Variants in UBXN4 observed in about 807,000 individuals in gnomAD.
The protein encoded by UBXN4 is UBX domain-containing protein 4.
In UBXN4, 35 loss-of-function variants were observed where a neutral mutation model predicts 66.2. That is an observed-to-expected ratio of 0.53 (90% confidence interval 0.40 to 0.70). The LOEUF is 0.70. UBXN4 is among the 30% of genes least tolerant of loss of function. The pLI is 0.00. For missense variants in UBXN4, 533 were observed against 599.8 expected, an observed-to-expected ratio of 0.89 and a Z score of 1.16; for synonymous variants, 203 against 204.5, an observed-to-expected ratio of 0.99 and a Z score of 0.06.
At chr2:135,754,675 C>G (rs2105495551) in intron 4 of UBXN4, among the ~76,000 whole-genome samples, 1 of 152,198 alleles carries the variant, frequency 6.6e-6, no homozygotes, top group Non-Finnish European at 1.5e-5. Flanking sequence ...ACTGCCATGC[C>G]AAAAATCTTA....
intron 4 of UBXN4, among the ~76,000 whole-genome samples, chr2:135,754,534 G>C (rs566076441): frequency 4.6e-5 from 7 of 152,230 alleles, no homozygotes; most frequent in Non-Finnish European, 1.0e-4. Flanking sequence ...TGTTGGCCAG[G>C]CTGGTCTCAA....
chr2:135,744,091 C>T (rs11893156), intron 1 of UBXN4, among the ~76,000 whole-genome samples: 2,509 of 152,300 alleles, frequency 0.016, 63 homozygotes, highest in African/African-American at 0.057. Context: ...TATGTAGATA[C>T]TGGACTCATG....
In UBXN4 at chr2:135,770,579, T is replaced by A; in HGVS notation, c.666T>A (p.Ile222=). 1 of 1,490,848 alleles carries A rather than the reference T, an allele frequency of 6.7e-7. No individual in the cohort carries two copies. The highest frequency in any genetic ancestry group is 8.9e-7 in the Non-Finnish European group (1 of 1,119,452). 92.4% of individuals were successfully genotyped at this position (1,490,848 alleles called of 1,614,324 possible). ...CTTTTTCTTTAATTCAGAGAGAAAT[T>A]AAGAAGGAAATTGAGAGGAGAAAAA... ...EKRKEEEQRE[I]KKEIERRKTG... is the part of the protein sequence containing the mutation. Residue 222 remains isoleucine, a synonymous_variant, in exon 8 of 13, where the codon ATT becomes ATA. Coordinates refer to ENST00000272638, the MANE Select transcript of UBXN4 (RefSeq NM_014607.4).
chr2:135,749,957 T>G (rs2077232083), intron 2 of UBXN4, among the ~76,000 whole-genome samples: 2 of 152,210 alleles, frequency 1.3e-5, no homozygotes, highest in Non-Finnish European at 1.5e-5. Context: ...TGTGTTAGTG[T>G]CAAGTTGGTT....
chr2:135,772,508 A>G lies in UBXN4; in HGVS notation c.911A>G (p.Glu304Gly). ...GCTGCCTTGCTAGCAAAACAGGCAG[A>G]AATGGAAGTCAAGAGGGAATCTTAT... ...KAAALLAKQA[E>G]MEVKRESYAR... The change falls in exon 9 of 13, where the codon GAA becomes GGA. Residue 304 changes from glutamate (E) to glycine (G), a missense_variant. Glu to Gly is a moderately conservative substitution (Grantham distance 98, BLOSUM62 -2). Around this residue, in one of 2 missense-constraint regions of UBXN4, gnomAD observed 529 missense variants for 580.1 expected, o/e 0.91. Transcript: ENST00000272638. The G allele has an allele frequency of 6.2e-7, 1 of 1,614,066 alleles. No homozygotes were observed. Among genetic ancestry groups the G allele is most frequent in the Non-Finnish European group, 8.5e-7 (1 of 1,179,926 alleles).
chr2:135,755,806 CTTAAAA>C (rs1280883306), intron 5 of UBXN4, 115 bp downstream of exon 5: 6 of 712,894 alleles, frequency 8.4e-6, no homozygotes, highest in Non-Finnish European at 1.1e-5. Context: ...ATTTATTTAA[CTTAAAA>C]TTTAAGAGTC....
chr2:135,742,085 C>T (rs1390003236), intron 1 of UBXN4, 74 bp downstream of exon 1: 5 of 1,508,004 alleles, frequency 3.3e-6, no homozygotes, highest in Admixed American at 4.0e-5. Flanking sequence ...TATACCTCAG[C>T]CGCCGGCCCG....
At chr2:135,777,830 C>T (rs575265098) in intron 10 of UBXN4, among the ~76,000 whole-genome samples, 4 of 150,634 alleles carry the variant, frequency 2.7e-5, no homozygotes, top group Non-Finnish European at 4.4e-5. Flanking sequence ...TTGCAGTGAG[C>T]TGAGATTGCG....
chr2:135,746,319 A>T (rs979759138), intron 1 of UBXN4, among the ~76,000 whole-genome samples: 6 of 152,156 alleles, frequency 3.9e-5, no homozygotes, highest in Non-Finnish European at 7.3e-5. Context: ...CAGAGTACTT[A>T]TTGGGTGCCT....
In UBXN4 at chr2:135,784,704, CCTA is replaced by C. The variant is rs1340375004; in HGVS notation, c.*1821_*1823del. 2 of 152,474 alleles carry C rather than the reference CCTA, an allele frequency of 1.3e-5. No homozygotes were observed. The highest frequency in any genetic ancestry group is 2.9e-5 in the Non-Finnish European group (2 of 68,008). The allele number at this position is 152,474 out of a possible 1,614,324, so 9.4% of individuals were successfully genotyped here. A position where few individuals can be genotyped will look rare whatever the true frequency, so the allele number is the denominator to read the frequency against. ...AAAAAAGCTGTCAAATAGGTGTGAC[CCTA>C]CTAATAATTATTAGAAATACATTTA... is the stretch of plus-strand genomic sequence containing the variant. On this transcript the variant is annotated 3_prime_UTR_variant, in exon 13 of 13. Coordinates refer to ENST00000272638, the MANE Select transcript of UBXN4 (RefSeq NM_014607.4).
chr2:135,758,712 T>C (rs895577959), intron 5 of UBXN4, among the ~76,000 whole-genome samples: 1 of 152,130 alleles, frequency 6.6e-6, no homozygotes, highest in Non-Finnish European at 1.5e-5. Flanking sequence ...CTCTAAAATA[T>C]AAGAAAGGAA....
At chr2:135,772,149 A>C (rs1575322239) in intron 8 of UBXN4, among the ~76,000 whole-genome samples, 1 of 151,446 alleles carries the variant, frequency 6.6e-6, no homozygotes, top group South Asian at 2.1e-4. Flanking sequence ...GTGAGACCCC[A>C]CCTCTACAAG....
intron 9 of UBXN4, among the ~76,000 whole-genome samples, chr2:135,775,205 A>G (rs2077406338): frequency 6.6e-6 from 1 of 152,248 alleles, no homozygotes; most frequent in Non-Finnish European, 1.5e-5. Context: ...TGGGATTGTA[A>G]AATGATGTAG....
At chr2:135,767,177 A>G (rs112306351) in intron 6 of UBXN4, among the ~76,000 whole-genome samples, 10,010 of 152,222 alleles carry the variant, frequency 0.066, 607 homozygotes, top group African/African-American at 0.15. Flanking sequence ...CCTTGCCAAC[A>G]CAGTGCAACC....
At chr2:135,750,234 A>G (rs4245839) in intron 2 of UBXN4, among the ~76,000 whole-genome samples, 147,972 of 152,284 alleles carry the variant, frequency 0.97, 72,011 homozygotes, top group Non-Finnish European at 1. Context: ...TCAGCCTCCC[A>G]AATAGCTGTA....
Position 135,742,030 on chromosome 2 carries a change from C to A in UBXN4, c.82+19C>A. On this transcript the variant is annotated intron_variant, in intron 1 of 12. Transcript: ENST00000272638. Reference sequence around the variant, plus strand: ...GTGGCAGGTGAAGGAGGCAGGGGTTCGAGAGGCGGCCGGGACACCCCTCCG... The same window carrying A: ...GTGGCAGGTGAAGGAGGCAGGGGTTAGAGAGGCGGCCGGGACACCCCTCCG... The A allele has an allele frequency of 2.5e-6, 4 of 1,610,978 alleles. No individual in the cohort carries two copies. The highest frequency in any genetic ancestry group is 3.4e-6 in the Non-Finnish European group (4 of 1,178,740).
chr2:135,751,037 T>TC (rs1337675022), intron 2 of UBXN4, among the ~76,000 whole-genome samples: 3 of 146,222 alleles, frequency 2.1e-5, no homozygotes, highest in Non-Finnish European at 4.5e-5. Flanking sequence ...TTTTTTTTTT[T>TC]TGTATTTTTA....
chr2:135,755,548 C>T lies in UBXN4; in HGVS notation c.365C>T (p.Ala122Val), dbSNP rs760848707. 1.3e-6 allele frequency: 2 copies of T among 1,596,492 alleles called. No homozygotes were observed. Among genetic ancestry groups the T allele is most frequent in the South Asian group, 2.3e-5 (2 of 87,832 alleles). Residue 122 changes from alanine (A) to valine (V), a missense_variant, in exon 5 of 13, where the codon GCA becomes GTA. Coordinates refer to ENST00000272638, the MANE Select transcript of UBXN4 (RefSeq NM_014607.4). Reference sequence around the variant, plus strand: ...TTGCTAAAAAGTGAAACATCAGTAGCAAATGGCAGTCAGTCAGAAAGTTCA... The same window carrying T: ...TTGCTAAAAAGTGAAACATCAGTAGTAAATGGCAGTCAGTCAGAAAGTTCA... ...MHLLKSETSV[A>V]NGSQSESSVS...
At chr2:135,764,212 A>G (rs2077334275) in intron 6 of UBXN4, among the ~76,000 whole-genome samples, 1 of 152,318 alleles carries the variant, frequency 6.6e-6, no homozygotes, top group African/African-American at 2.4e-5. Flanking sequence ...CTACAGTTGA[A>G]ACTGAGATCT....
Sources: gnomAD v4.1 joint callset for allele counts (sites outside exome capture counted in the v4.1 genomes callset) on GRCh38, gnomAD v4.1.1 for gene constraint, gnomAD v4.1.1 regional missense constraint, MANE v1.5 for transcripts, NCBI Gene and HGNC (gene_info 2026-07-23, HGNC 2026-07-21) for gene names.